Variants in MACROD1 observed in about 807,000 individuals in gnomAD.
The protein encoded by MACROD1 is ADP-ribose glycohydrolase MACROD1.
Under a neutral mutation model 41.4 loss-of-function variants are expected in MACROD1, and 31 were observed. That is an observed-to-expected ratio of 0.75 (90% confidence interval 0.56 to 1.01). The LOEUF (loss-of-function observed/expected upper bound fraction) is 1.01. MACROD1 is among the 50% of genes least tolerant of loss of function. The pLI, the probability that MACROD1 is intolerant of heterozygous loss-of-function variation, is 0.00. For synonymous variants in MACROD1, 252 were observed against 203.4 expected, an observed-to-expected ratio of 1.24 and a Z score of -2.03; for missense variants, 473 against 460.0, an observed-to-expected ratio of 1.03 and a Z score of -0.26.
intron 3 of MACROD1, among the ~76,000 whole-genome samples, chr11:64,055,159 C>T (rs1180470643): frequency 6.6e-6 from 1 of 152,224 alleles, no homozygotes; most frequent in Non-Finnish European, 1.5e-5. Flanking sequence ...CCAGATCCAC[C>T]ATGCCCAGCA....
intron 3 of MACROD1, among the ~76,000 whole-genome samples, chr11:64,016,059 C>G: frequency 6.6e-6 from 1 of 152,196 alleles, no homozygotes; most frequent in East Asian, 1.9e-4. Context: ...GGTCCCCGCC[C>G]CCTCCTTGGA....
At chr11:64,031,128 C>T (rs1054117805) in intron 3 of MACROD1, among the ~76,000 whole-genome samples, 3 of 152,170 alleles carry the variant, frequency 2.0e-5, no homozygotes, top group Non-Finnish European at 4.4e-5. Context: ...CTTGTCCTGG[C>T]TGGCAGCCTC....
chr11:64,153,236 C>T (rs938747837), intron 1 of MACROD1, among the ~76,000 whole-genome samples: 2 of 152,214 alleles, frequency 1.3e-5, no homozygotes, highest in African/African-American at 2.4e-5. Flanking sequence ...TAGCAGCTCA[C>T]GGGCTCCCCC....
At position 64,146,113 on chromosome 11, in the gene MACROD1, G is replaced by C. The variant is rs923541618; in HGVS notation, c.517+5126C>G. Among the ~76,000 whole-genome samples the C allele has an allele frequency of 1.3e-5, 2 of 152,182 alleles. No homozygotes were observed. The highest frequency in any genetic ancestry group is 2.9e-5 in the Non-Finnish European group (2 of 68,028). On this transcript the variant is annotated intron_variant, in intron 3 of 10. Coordinates refer to ENST00000255681, the MANE Select transcript of MACROD1 (RefSeq NM_014067.4). This position sits in a 1 kb window ranked among gnomAD's most constrained non-coding sequence, Gnocchi z 4.7. ...TTGTGCCCGGACATGTCCTGCCCAG[G>C]ACTCTGCTATCTGTCAGGAACAAGA...
At chr11:64,117,499 C>A (rs201127490) in intron 3 of MACROD1, 2 of 1,610,396 alleles carry the variant, frequency 1.2e-6, no homozygotes, top group Non-Finnish European at 1.7e-6. Context: ...TCCCTGTTTA[C>A]CCTCAAGGCC....
chr11:64,108,796 A>G (rs1034615130), intron 3 of MACROD1, among the ~76,000 whole-genome samples: 3 of 152,230 alleles, frequency 2.0e-5, no homozygotes, highest in Non-Finnish European at 4.4e-5. Flanking sequence ...GGCAGGGGAA[A>G]GACACCTGCA....
At chr11:64,077,735 C>T (rs1944229201) in intron 3 of MACROD1, among the ~76,000 whole-genome samples, 1 of 152,240 alleles carries the variant, frequency 6.6e-6, no homozygotes, top group Non-Finnish European at 1.5e-5. Flanking sequence ...GTCACTACCC[C>T]TCACTGCATT....
chr11:64,109,501 G>C (rs991955611), intron 3 of MACROD1, among the ~76,000 whole-genome samples: 2 of 152,206 alleles, frequency 1.3e-5, no homozygotes, highest in African/African-American at 2.4e-5. Flanking sequence ...GGCTGCAGAG[G>C]GGGTGGAAAG....
chr11:64,050,356 T>C (rs1382698064), intron 3 of MACROD1, among the ~76,000 whole-genome samples: 1 of 152,180 alleles, frequency 6.6e-6, no homozygotes, highest in Non-Finnish European at 1.5e-5. Context: ...TTCTGAAATG[T>C]GCAGGCCACC....
chr11:64,108,267 C>T (rs573928768), intron 3 of MACROD1, among the ~76,000 whole-genome samples: 2 of 150,874 alleles, frequency 1.3e-5, no homozygotes, highest in East Asian at 1.9e-4. Context: ...GAGCCAAGAT[C>T]GTACCATTGC....
intron 3 of MACROD1, among the ~76,000 whole-genome samples, chr11:64,061,979 GC>G (rs1380146745): frequency 1.4e-3 from 66 of 46,426 alleles, no homozygotes; most frequent in Admixed American, 6.5e-3. Flanking sequence ...CCACCCCCCT[GC>G]CCCCTTCTAC....
intron 3 of MACROD1, among the ~76,000 whole-genome samples, chr11:64,076,526 T>C: frequency 6.6e-6 from 1 of 152,170 alleles, no homozygotes; most frequent in Admixed American, 6.5e-5. Flanking sequence ...GTGCTGGCAC[T>C]GGGGTCTGGA....
Position 64,090,292 on chromosome 11 carries a change from C to T in MACROD1, c.517+60947G>A, listed in dbSNP as rs1159770893. Among the ~76,000 whole-genome samples the T allele has an allele frequency of 1.3e-5, 2 of 152,160 alleles. No individual in the cohort carries two copies. The highest frequency in any genetic ancestry group is 2.4e-5 in the African/African-American group (1 of 41,424). On this transcript the variant is annotated intron_variant, in intron 3 of 10. Transcript: ENST00000255681. This position sits in a 1 kb window ranked among gnomAD's most constrained non-coding sequence, Gnocchi z 4.7. ...GAAATGCATCGTGCGTTGCTTTTCC[C>T]GTCTGGGAGTCTAATAGTCAGCAGT...
chr11:64,117,286 G>A, intron 3 of MACROD1: 7 of 1,614,174 alleles, frequency 4.3e-6, no homozygotes, highest in South Asian at 1.1e-5. Context: ...ATGTGGCTGC[G>A]GGACTGGGTG....
chr11:64,162,738 C>T (rs1344269715), intron 1 of MACROD1, among the ~76,000 whole-genome samples: 1 of 151,782 alleles, frequency 6.6e-6, no homozygotes, highest in Admixed American at 6.6e-5. Context: ...TGGCATGAAC[C>T]CAGGAGGAGG....
chr11:64,015,423 C>T (rs1207004533), intron 3 of MACROD1, 142 bp from the exon 4 acceptor site: 21 of 669,676 alleles, frequency 3.1e-5, no homozygotes, highest in East Asian at 6.1e-5. Flanking sequence ...CCCAGTCCTC[C>T]GGGGCGGTAG....
rs959471773 is a variant in MACROD1 at position 64,131,947 on chromosome 11, G to A, written c.517+19292C>T. On this transcript the variant is annotated intron_variant, in intron 3 of 10. Transcript: ENST00000255681. ...GAAGTGAGTGGCGGGAGGGAGGGGC[G>A]CACTTGACTGAGCATCTGCTACATG... Among the ~76,000 whole-genome samples the A allele has an allele frequency of 5.3e-5, 8 of 151,958 alleles. No individual in the cohort carries two copies. In the East Asian group the frequency reaches 1.6e-3, roughly 30 times the overall value.
intron 3 of MACROD1, among the ~76,000 whole-genome samples, chr11:64,076,448 G>A (rs1189109972): frequency 6.6e-6 from 1 of 151,602 alleles, no homozygotes; most frequent in East Asian, 1.9e-4. Flanking sequence ...ATGGATGGAT[G>A]GACGGATGGA....
At chr11:64,117,924 CT>C (rs1945022004) in intron 3 of MACROD1, 1 of 1,613,950 alleles carries the variant, frequency 6.2e-7, no homozygotes, top group African/African-American at 1.3e-5. Flanking sequence ...GAGCCTGCCC[CT>C]GGCGGGCATC....
Sources: gnomAD v4.1 joint callset for allele counts (sites outside exome capture counted in the v4.1 genomes callset) on GRCh38, gnomAD v4.1.1 for gene constraint, Gnocchi (gnomAD v3.1) non-coding constraint, MANE v1.5 for transcripts, NCBI Gene and HGNC (gene_info 2026-07-23, HGNC 2026-07-21) for gene names.